Variants in LINC00305 observed in about 807,000 individuals in gnomAD.
LINC00305 encodes long intergenic non-protein coding RNA 305.
chr18:64,141,786 C>T (rs576706003), intron 1 of LINC00305, among the ~76,000 whole-genome samples: 16 of 152,270 alleles, frequency 1.1e-4, no homozygotes, highest in African/African-American at 3.6e-4. Flanking sequence ...TTTCTCAAAA[C>T]GCTTTGGTAT....
intron 1 of LINC00305, among the ~76,000 whole-genome samples, chr18:64,106,687 G>T (rs1460175454): frequency 6.6e-6 from 1 of 152,032 alleles, no homozygotes; most frequent in Non-Finnish European, 1.5e-5. Context: ...GTGTGTCTCT[G>T]GAATGAGAAC....
At chr18:64,086,829 A>C (rs2144892552) in intron 3 of LINC00305, among the ~76,000 whole-genome samples, 1 of 152,366 alleles carries the variant, frequency 6.6e-6, no homozygotes, top group East Asian at 1.9e-4. Flanking sequence ...ATCTATAAGC[A>C]GAAGCTGCCT....
intron 3 of LINC00305, among the ~76,000 whole-genome samples, chr18:64,096,142 C>T (rs140853086): frequency 1.6e-3 from 240 of 152,022 alleles, no homozygotes; most frequent in African/African-American, 5.7e-3. Context: ...ACTTAAGAAG[C>T]AAGTGCCTAT....
chr18:64,120,942 G>A (rs1251847411), intron 1 of LINC00305, among the ~76,000 whole-genome samples: 12 of 152,082 alleles, frequency 7.9e-5, no homozygotes, highest in Admixed American at 7.2e-4. Flanking sequence ...CTAGGAGTGT[G>A]TTAGACTTTA....
At chr18:64,143,050 C>CCATGAGG (rs1311538994) in intron 1 of LINC00305, among the ~76,000 whole-genome samples, 1 of 151,896 alleles carries the variant, frequency 6.6e-6, no homozygotes, top group African/African-American at 2.4e-5. Context: ...AAAGTGGGTG[C>CCATGAGG]CATGAGGGGA....
At chr18:64,093,256 T>A (rs1370666329) in intron 3 of LINC00305, among the ~76,000 whole-genome samples, 2 of 152,226 alleles carry the variant, frequency 1.3e-5, no homozygotes, top group Admixed American at 6.5e-5. Context: ...CTTCCCCACA[T>A]GAATATACCT....
At chr18:64,080,266 T>G (rs138973130) in exon 4 of LINC00305, 1 of 455,840 alleles carries the variant, frequency 2.2e-6, no homozygotes, top group Non-Finnish European at 4.4e-6. Context: ...CTTGTCATCT[T>G]CTCTGTTTTC....
chr18:64,128,124 G>C lies in LINC00305; in HGVS notation n.314+20651C>G, dbSNP rs149170202. Among the ~76,000 whole-genome samples, 10 of 152,196 alleles carry C rather than the reference G, an allele frequency of 6.6e-5. No homozygotes were observed. In the East Asian group the frequency reaches 1.2e-3, roughly 18 times the overall value. ...CAGATTAAATCAAATAATGGTGTCT[G>C]TCTAATTGTTTTGCAAAATGAACAA... On this transcript the variant is annotated intron_variant and non_coding_transcript_variant, in intron 1 of 3. Coordinates refer to ENST00000666468, the Ensembl canonical transcript of LINC00305.
intron 1 of LINC00305, among the ~76,000 whole-genome samples, chr18:64,142,766 C>T (rs1192660839): frequency 1.3e-5 from 2 of 151,980 alleles, no homozygotes; most frequent in Non-Finnish European, 2.9e-5. Flanking sequence ...TATATAACCC[C>T]AGGAACCTTC....
chr18:64,083,530 A>G (rs2051192507), intron 3 of LINC00305, among the ~76,000 whole-genome samples: 1 of 152,242 alleles, frequency 6.6e-6, no homozygotes, highest in Non-Finnish European at 1.5e-5. Context: ...AAAGTATGTG[A>G]CAGCACTAAT....
Position 64,104,696 on chromosome 18 carries a change from A to C in LINC00305, n.315-6056T>G, listed in dbSNP as rs530239748. ...GCAAATCCTCCTGGGGAAATTAGGA[A>C]GTGTTATGCTTGGGAGCCTCCTTCA... On this transcript the variant is annotated intron_variant and non_coding_transcript_variant, in intron 1 of 3. Coordinates refer to ENST00000666468, the Ensembl canonical transcript of LINC00305. 4.2e-4 allele frequency among the ~76,000 whole-genome samples: 64 copies of C among 152,322 alleles called. 1 individual carries two copies. The highest frequency in any genetic ancestry group is 1.2e-3 in the South Asian group (6 of 4,822).
intron 1 of LINC00305, among the ~76,000 whole-genome samples, chr18:64,103,429 A>G (rs951208191): frequency 6.6e-6 from 1 of 152,120 alleles, no homozygotes; most frequent in Non-Finnish European, 1.5e-5. Flanking sequence ...CCTCTTAATT[A>G]TCTTCCTTTT....
chr18:64,089,093 T>A (rs1219621765), intron 3 of LINC00305, among the ~76,000 whole-genome samples: 1 of 152,168 alleles, frequency 6.6e-6, no homozygotes, highest in Non-Finnish European at 1.5e-5. Flanking sequence ...ATGGTTTGAT[T>A]CTGTGTCCCC....
At chr18:64,133,496 C>G (rs2051419170) in intron 1 of LINC00305, among the ~76,000 whole-genome samples, 1 of 152,194 alleles carries the variant, frequency 6.6e-6, no homozygotes, top group South Asian at 2.1e-4. Context: ...AGTGACTCCT[C>G]ATTAAAGTCA....
At chr18:64,093,332 TTTTTA>T (rs2051232236) in intron 3 of LINC00305, among the ~76,000 whole-genome samples, 1 of 152,110 alleles carries the variant, frequency 6.6e-6, no homozygotes, top group East Asian at 1.9e-4. Flanking sequence ...CCTATTTTTA[TTTTTA>T]TTTTATTTAT....
At chr18:64,112,688 A>T (rs1301902275) in intron 1 of LINC00305, among the ~76,000 whole-genome samples, 1 of 152,096 alleles carries the variant, frequency 6.6e-6, no homozygotes, top group Non-Finnish European at 1.5e-5. Flanking sequence ...ATTTATTACA[A>T]ATCTTGCCTA....
At chr18:64,126,168 G>C (rs1446442803) in intron 1 of LINC00305, among the ~76,000 whole-genome samples, 1 of 152,004 alleles carries the variant, frequency 6.6e-6, no homozygotes, top group Non-Finnish European at 1.5e-5. Flanking sequence ...GGTGATGATA[G>C]CTTCTCATAT....
At chr18:64,149,044 G>A (rs2051512294) in exon 1 of LINC00305, 1 of 152,260 alleles carries the variant, frequency 6.6e-6, no homozygotes, top group Non-Finnish European at 1.5e-5. Context: ...CCAGCTCACA[G>A]GTGGGCTTCA....
chr18:64,120,285 T>C (rs996993353), intron 1 of LINC00305, among the ~76,000 whole-genome samples: 1 of 152,062 alleles, frequency 6.6e-6, no homozygotes. Flanking sequence ...TCTTCTTTTT[T>C]TGTTAGTTTA....
Sources: gnomAD v4.1 joint callset for allele counts (sites outside exome capture counted in the v4.1 genomes callset) on GRCh38, gnomAD v4.1.1 for gene constraint, MANE v1.5 for transcripts, NCBI Gene and HGNC (gene_info 2026-07-23, HGNC 2026-07-21) for gene names.